The following MAP7 variants were observed in gnomAD, a reference collection of about 807,000 sequenced individuals.
MAP7 encodes the protein ensconsin.
A neutral mutation model predicts 94.8 loss-of-function variants in MAP7; 52 were observed. The observed-to-expected ratio is 0.55, with a 90% CI of 0.44 to 0.69. MAP7 has a LOEUF of 0.69. Among genes scored for constraint, MAP7 ranks in the 30% least tolerant of loss-of-function variants. The pLI is 0.00. For missense variants in MAP7, 940 were observed against 964.6 expected, an observed-to-expected ratio of 0.97 and a Z score of 0.34; for synonymous variants, 350 against 357.0, an observed-to-expected ratio of 0.98 and a Z score of 0.22.
intron 1 of MAP7, among the ~76,000 whole-genome samples, chr6:136,549,845 C>T (rs1829999930): frequency 6.6e-6 from 1 of 152,200 alleles, no homozygotes; most frequent in South Asian, 2.1e-4. Flanking sequence ...CCCCGCGGTC[C>T]TGCCCCACAC....
chr6:136,400,217 C>A (rs1182058417), intron 3 of MAP7, among the ~76,000 whole-genome samples: 1 of 151,874 alleles, frequency 6.6e-6, no homozygotes, highest in Non-Finnish European at 1.5e-5. Flanking sequence ...GAGATCGAGA[C>A]CATCCTGGCT....
At chr6:136,385,447 G>C (rs1778941200) in intron 5 of MAP7, among the ~76,000 whole-genome samples, 1 of 152,194 alleles carries the variant, frequency 6.6e-6, no homozygotes, top group South Asian at 2.1e-4. Context: ...TTTTATAGCA[G>C]TACATTTTCT....
chr6:136,404,492 T>C (rs1785035165), intron 3 of MAP7, among the ~76,000 whole-genome samples: 1 of 152,212 alleles, frequency 6.6e-6, no homozygotes, highest in Non-Finnish European at 1.5e-5. Context: ...AATATTGCTT[T>C]ATGATATATC....
chr6:136,464,432 A>G (rs560045958), intron 1 of MAP7, among the ~76,000 whole-genome samples: 1 of 152,184 alleles, frequency 6.6e-6, no homozygotes, highest in African/African-American at 2.4e-5. Flanking sequence ...CTATTACTCT[A>G]TATTGTTATA....
chr6:136,446,843 T>C (rs1799516891), intron 1 of MAP7, among the ~76,000 whole-genome samples: 1 of 152,244 alleles, frequency 6.6e-6, no homozygotes, highest in Admixed American at 6.5e-5. Flanking sequence ...GATGTATACA[T>C]TGAGGCTCAG....
intron 1 of MAP7, among the ~76,000 whole-genome samples, chr6:136,480,178 A>G (rs1812270342): frequency 6.6e-6 from 1 of 152,172 alleles, no homozygotes; most frequent in Admixed American, 6.5e-5. Flanking sequence ...AGATAACCCA[A>G]TAATGAATCC....
chr6:136,550,370 G>T lies in MAP7; in HGVS notation c.39C>A (p.Gly13=), dbSNP rs1562499433. 1.3e-6 allele frequency: 2 copies of T among 1,529,402 alleles called. No homozygotes were observed. The highest frequency in any genetic ancestry group is 1.9e-5 in the Admixed American group (1 of 51,294). 94.7% of individuals were successfully genotyped at this position (1,529,402 alleles called of 1,614,324 possible). A position where few individuals can be genotyped will look rare whatever the true frequency, so the allele number is the denominator to read the frequency against. ...TTTCGCTTCGCACTGCGCCGTCGCC[G>T]CCCCTGTGGCCGTCGCCGCCAGCTC... ...ELGAGGDGHR[G]GDGAVRSETA... is the part of the protein sequence containing the mutation. Residue 13 remains glycine (G), a synonymous_variant, in exon 1 of 18, where the codon GGC becomes GGA. Coordinates refer to ENST00000354570, the MANE Select transcript of MAP7 (RefSeq NM_003980.6). The surrounding 1 kb of genome is among the most constrained non-coding windows in gnomAD (Gnocchi z 5.1).
At position 136,456,834 on chromosome 6, in the gene MAP7, AGAAGAAGAAGAAGAG is replaced by A. The variant is rs1803330253; in HGVS notation, c.68-35050_68-35036del. On this transcript the variant is annotated intron_variant, in intron 1 of 17. Transcript: ENST00000354570. ...AGAAGAAGAAGAAGGAAGAAGAAGA[AGAAGAAGAAGAAGAG>A]GAAGAAGAAGAAGAAGAAGAAGAAA... is the stretch of plus-strand genomic sequence containing the variant. Among the ~76,000 whole-genome samples, 86 of 113,008 alleles carry A rather than the reference AGAAGAAGAAGAAGAG, an allele frequency of 7.6e-4. 1 individual carries two copies. Among genetic ancestry groups the A allele is most frequent in the Middle Eastern group, 4.7e-3 (1 of 214 alleles). The allele number at this position is 113,008 out of a possible 152,430, so 74.1% of individuals were successfully genotyped here. A position where few individuals can be genotyped will look rare whatever the true frequency, so the allele number is the denominator to read the frequency against.
At chr6:136,376,008 G>A (rs1397822900) in intron 7 of MAP7, among the ~76,000 whole-genome samples, 1 of 152,138 alleles carries the variant, frequency 6.6e-6, no homozygotes, top group Non-Finnish European at 1.5e-5. Flanking sequence ...TCCCAGCTGT[G>A]AGGCAGTCCT....
chr6:136,466,807 T>C, intron 1 of MAP7: 1 of 1,535,074 alleles, frequency 6.5e-7, no homozygotes, highest in Non-Finnish European at 8.7e-7. Flanking sequence ...TTCTTGAATA[T>C]CCTGCAACAT....
At chr6:136,359,458 C>T in intron 15 of MAP7, among the ~76,000 whole-genome samples, 1 of 152,022 alleles carries the variant, frequency 6.6e-6, no homozygotes. Flanking sequence ...ACTACTTGAG[C>T]AGACAGTATG....
chr6:136,504,140 T>C (rs1279420310), intron 1 of MAP7, among the ~76,000 whole-genome samples: 1 of 152,142 alleles, frequency 6.6e-6, no homozygotes, highest in African/African-American at 2.4e-5. Flanking sequence ...TTTATGTCAA[T>C]TTAAGCACAC....
At chr6:136,360,975 G>C in intron 12 of MAP7, 30 bp downstream of exon 12, 1 of 1,554,352 alleles carries the variant, frequency 6.4e-7, no homozygotes, top group Non-Finnish European at 8.6e-7. Context: ...GCGGGACTGG[G>C]GCCGGGGCCA....
At chr6:136,454,434 G>A (rs1317211203) in intron 1 of MAP7, among the ~76,000 whole-genome samples, 1 of 151,760 alleles carries the variant, frequency 6.6e-6, no homozygotes, top group Non-Finnish European at 1.5e-5. Context: ...AGCCTTCTAA[G>A]TAACTGGGAC....
intron 1 of MAP7, among the ~76,000 whole-genome samples, chr6:136,546,822 A>G (rs1435373996): frequency 6.6e-6 from 1 of 152,218 alleles, no homozygotes; most frequent in Non-Finnish European, 1.5e-5. Flanking sequence ...TTTCTCATGC[A>G]TTGGGAGGCA....
At chr6:136,403,189 C>T (rs60607251) in intron 3 of MAP7, among the ~76,000 whole-genome samples, 1,555 of 152,268 alleles carry the variant, frequency 0.01, 21 homozygotes, top group East Asian at 0.039. Flanking sequence ...CTCTCTGCTA[C>T]GCCTTAGGCT....
intron 1 of MAP7, among the ~76,000 whole-genome samples, chr6:136,450,579 G>A (rs1390184174): frequency 6.6e-6 from 1 of 152,048 alleles, no homozygotes; most frequent in Non-Finnish European, 1.5e-5. Flanking sequence ...GAGGTCGGGA[G>A]TTCGAGACCA....
intron 1 of MAP7, among the ~76,000 whole-genome samples, chr6:136,504,207 A>G (rs1230009416): frequency 6.6e-6 from 1 of 152,198 alleles, no homozygotes; most frequent in Admixed American, 6.5e-5. Context: ...AATGGGCTGC[A>G]AGGGTACATA....
chr6:136,438,454 C>A (rs1796958603), intron 1 of MAP7, among the ~76,000 whole-genome samples: 1 of 152,188 alleles, frequency 6.6e-6, no homozygotes, highest in Admixed American at 6.5e-5. Flanking sequence ...ACTTGCTGGG[C>A]TATCTGGAGA....
Sources: allele counts gnomAD v4.1 joint callset (sites outside exome capture counted in the v4.1 genomes callset), GRCh38; gene constraint gnomAD v4.1.1; non-coding constraint Gnocchi (gnomAD v3.1); transcripts MANE v1.5; gene names NCBI Gene and HGNC (gene_info 2026-07-23, HGNC 2026-07-21).